The following SH3GLB2 variants were observed in gnomAD, a reference collection of about 807,000 sequenced individuals.
The protein encoded by SH3GLB2 is endophilin-B2.
In SH3GLB2, 24 loss-of-function variants were observed where a neutral mutation model predicts 48.0. The observed-to-expected ratio is 0.50, with a 90% CI of 0.36 to 0.70. The LOEUF (loss-of-function observed/expected upper bound fraction) is 0.70. SH3GLB2 is among the 30% of genes least tolerant of loss of function. SH3GLB2 has a pLI of 0.00. For missense variants in SH3GLB2, 425 were observed against 516.0 expected (o/e 0.82, Z 1.71); for synonymous variants, 227 against 207.6 (o/e 1.09, Z -0.80).
Position 129,028,142 on chromosome 9 carries a change from T to A in SH3GLB2, c.13A>T (p.Met5Leu). ...CCCGCGTCCGACGCCAGCTTCTTCA[T>A]GTTGAAGTCCATGGCGTGCCCGCAC... MDFN[M>L]KKLASDAGIF... Residue 5 changes from methionine to leucine, a missense_variant, in exon 1 of 11, where the codon ATG (methionine) becomes TTG (leucine). Met to Leu is a conservative substitution (Grantham distance 15). Coordinates refer to ENST00000372564, the MANE Select transcript of SH3GLB2 (RefSeq NM_020145.4). 1 of 1,492,732 alleles carries A rather than the reference T, an allele frequency of 6.7e-7. No individual in the cohort carries two copies. Among genetic ancestry groups the A allele is most frequent in the East Asian group, 2.9e-5 (1 of 33,988 alleles). The allele number at this position is 1,492,732 out of a possible 1,614,324, so 92.5% of individuals were successfully genotyped here. A position where few individuals can be genotyped will look rare whatever the true frequency, so the allele number is the denominator to read the frequency against.
intron 3 of SH3GLB2, among the ~76,000 whole-genome samples, chr9:129,020,811 A>G (rs1250103519): frequency 3.9e-5 from 6 of 151,974 alleles, no homozygotes; most frequent in Non-Finnish European, 8.8e-5. Context: ...TGGAGCTTGC[A>G]GTGAGCCGAG....
chr9:129,014,955 C>G lies in SH3GLB2; in HGVS notation c.335-51G>C. On this transcript the variant is annotated intron_variant, in intron 3 of 10. Coordinates refer to ENST00000372564, the MANE Select transcript of SH3GLB2 (RefSeq NM_020145.4). This position sits in a 1 kb window ranked among gnomAD's most constrained non-coding sequence, Gnocchi z 4.1. ...GGAAGAAGGTCAGGCTCAGGCTACT[C>G]TGATCTACAGGAGAGGGCTCAGGAA... 6.3e-7 allele frequency: 1 copy of G among 1,591,434 alleles called. No homozygotes were observed. Among genetic ancestry groups the G allele is most frequent in the Non-Finnish European group, 8.6e-7 (1 of 1,168,698 alleles).
chr9:129,010,726 G>A (rs755888813), intron 6 of SH3GLB2, 33 bp from the exon 7 acceptor site: 2 of 1,613,504 alleles, frequency 1.2e-6, no homozygotes, highest in Non-Finnish European at 1.7e-6. Context: ...GGCCAGCAGG[G>A]GAGGGGAGAG....
rs186969024 is a variant in SH3GLB2 at position 129,018,162 on chromosome 9, A to G, written c.334+2929T>C. ...CTGATCGCAGTGGAATTAAGTTAAA[A>G]GCAACAATAGAAGAAAACCCAGAAA... On this transcript the variant is annotated intron_variant, in intron 3 of 10. Transcript: ENST00000372564. Among the ~76,000 whole-genome samples the G allele has an allele frequency of 4.7e-3, 721 of 152,368 alleles. 1 individual carries two copies. The highest frequency in any genetic ancestry group is 7.1e-3 in the Non-Finnish European group (485 of 68,036).
At position 129,007,825 on chromosome 9, in the gene SH3GLB2, C is replaced by T. The variant is rs576120473; in HGVS notation, c.*859G>A. The T allele has an allele frequency of 2.0e-5, 3 of 152,340 alleles. No individual in the cohort carries two copies. The South Asian group carries it at 6.2e-4, about 32-fold the overall frequency. The allele number at this position is 152,340 out of a possible 1,614,324, so 9.4% of individuals were successfully genotyped here. Reference sequence around the variant, plus strand: ...ACTTTTTCTTAGGAATAAAACGTTCCTTGTGCGGCTTCATGTCCAGGAACA... The same window carrying T: ...ACTTTTTCTTAGGAATAAAACGTTCTTTGTGCGGCTTCATGTCCAGGAACA... On this transcript the variant is annotated 3_prime_UTR_variant, in exon 11 of 11. Transcript: ENST00000372564.
At position 129,028,211 on chromosome 9, in the gene SH3GLB2, A is replaced by AGCC. The variant is rs1369885339; in HGVS notation, c.-60_-58dup. 3 of 1,140,174 alleles carry AGCC rather than the reference A, an allele frequency of 2.6e-6. No individual in the cohort carries two copies. The highest frequency in any genetic ancestry group is 1.7e-5 in the African/African-American group (1 of 60,418). The allele number at this position is 1,140,174 out of a possible 1,614,324, so 70.6% of individuals were successfully genotyped here. A position where few individuals can be genotyped will look rare whatever the true frequency, so the allele number is the denominator to read the frequency against. On this transcript the variant is annotated 5_prime_UTR_variant, in exon 1 of 11. Transcript: ENST00000372564. ...GAGCGCAGCCGGCAGCCCCCGGCCCAGCCGCCGCCGCCAACCGCACCCCGC... is the reference window on the plus strand; with the variant it reads ...GAGCGCAGCCGGCAGCCCCCGGCCCAGCCGCCGCCGCCGCCAACCGCACCCCGC...
At chr9:129,025,827 C>T (rs770685606) in intron 1 of SH3GLB2, among the ~76,000 whole-genome samples, 20 of 143,328 alleles carry the variant, frequency 1.4e-4, no homozygotes, top group Non-Finnish European at 2.4e-4. Flanking sequence ...ACCAGGCTTT[C>T]CCAAACTAGA....
At chr9:129,024,611 T>C (rs1316190968) in intron 1 of SH3GLB2, among the ~76,000 whole-genome samples, 1 of 150,116 alleles carries the variant, frequency 6.7e-6, no homozygotes, top group Non-Finnish European at 1.5e-5. Flanking sequence ...TAGTCCCAGC[T>C]ACTCAAGGGG....
At position 129,014,851 on chromosome 9, in the gene SH3GLB2, T is replaced by A; in HGVS notation, c.388A>T (p.Arg130Trp). 1 of 1,613,972 alleles carries A rather than the reference T, an allele frequency of 6.2e-7. No homozygotes were observed. Among genetic ancestry groups the A allele is most frequent in the Non-Finnish European group, 8.5e-7 (1 of 1,180,004 alleles). ...ATGGAGGCCGTGTGGATAAAATCCC[T>A]CTCCGCGGCTCCCAGTTGCTTTTCA... Reference protein sequence around the residue: ...EAEKQLGAAERDFIHTASISF... With the variant: ...EAEKQLGAAEWDFIHTASISF... The change falls in exon 4 of 11, where the codon AGG (arginine) becomes TGG (tryptophan). Residue 130 changes from arginine (R) to tryptophan (W), a missense_variant. Physicochemically the swap from Arg to Trp is moderately radical, Grantham distance 101. Coordinates refer to ENST00000372564, the MANE Select transcript of SH3GLB2 (RefSeq NM_020145.4). The surrounding 1 kb of genome is among the most constrained non-coding windows in gnomAD (Gnocchi z 4.1).
chr9:129,026,820 G>C (rs569301931), intron 1 of SH3GLB2, among the ~76,000 whole-genome samples: 1 of 152,342 alleles, frequency 6.6e-6, no homozygotes, highest in African/African-American at 2.4e-5. Flanking sequence ...GAGGGGCTCT[G>C]GGATCCTGGC....
intron 3 of SH3GLB2, among the ~76,000 whole-genome samples, chr9:129,020,183 A>ACAACAGAG (rs1167831576): frequency 7.4e-6 from 1 of 134,810 alleles, no homozygotes; most frequent in Non-Finnish European, 1.6e-5. Context: ...TCCAGCCCGG[A>ACAACAGAG]CAACAGAGCA....
chr9:129,012,062 T>C (rs1465134775), intron 6 of SH3GLB2, 174 bp downstream of exon 6: 4 of 411,138 alleles, frequency 9.7e-6, no homozygotes, highest in Non-Finnish European at 1.7e-5. Context: ...GGCCAGGCCG[T>C]GGACAGAGGT....
At position 129,009,189 on chromosome 9, in the gene SH3GLB2, G is replaced by A; in HGVS notation, c.997C>T (p.Pro333Ser). ...CGAGCTTTGCGGGTCCCACTGGCAG[G>A]GGGGGCCACCTCTTCCAGGCAGAGC... ...ASLCLEEVAP[P>S]ASGTRKARVL... Residue 333 changes from proline (P) to serine (S), a missense_variant, in exon 10 of 11, where the codon CCT (proline) becomes TCT (serine). Transcript: ENST00000372564. 6.2e-7 allele frequency: 1 copy of A among 1,611,284 alleles called. No individual in the cohort carries two copies. Among genetic ancestry groups the A allele is most frequent in the Non-Finnish European group, 8.5e-7 (1 of 1,179,326 alleles).
At chr9:129,009,591 T>TGCC in intron 9 of SH3GLB2, 180 bp downstream of exon 9, 1 of 1,509,070 alleles carries the variant, frequency 6.6e-7, no homozygotes. Flanking sequence ...GACTTGGCCG[T>TGCC]CAGTAAGGCC....
chr9:129,013,175 C>T (rs1355829570), intron 5 of SH3GLB2: 1 of 745,880 alleles, frequency 1.3e-6, no homozygotes, highest in Non-Finnish European at 2.3e-6. Flanking sequence ...CCTGAAGAGT[C>T]CTAACGTGTG....
chr9:129,010,898 T>C, intron 6 of SH3GLB2: 1 of 609,574 alleles, frequency 1.6e-6, no homozygotes, highest in Non-Finnish European at 2.9e-6. Flanking sequence ...ACATGCCTCA[T>C]GCAGGAGGGG....
rs1011224845 is a variant in SH3GLB2 at position 129,014,189 on chromosome 9, G to A, written c.561+222C>T. ...ACCCAGCTGGGGGCACTGCTGGTCC[G>A]CCCACACCGTAGATATCTCCCTGGG... On this transcript the variant is annotated intron_variant, in intron 5 of 10. Transcript: ENST00000372564. This position sits in a 1 kb window ranked among gnomAD's most constrained non-coding sequence, Gnocchi z 4.1. Among the ~76,000 whole-genome samples the A allele has an allele frequency of 3.3e-5, 5 of 152,110 alleles. No homozygotes were observed. The highest frequency in any genetic ancestry group is 6.5e-5 in the Admixed American group (1 of 15,280).
Position 129,009,125 on chromosome 9 carries a change from A to AGC in SH3GLB2, c.1059_1060dup (p.Leu354ArgfsTer91). On this transcript the variant is annotated frameshift_variant, in exon 10 of 11. Transcript: ENST00000372564. LOFTEE classifies it high-confidence loss of function. Reference sequence around the variant, plus strand: ...GCCCACCTCATCAGCCAGCAGGGCCAGCTCACTGCTGTCGGCTGCCTCGTA... The same window carrying AGC: ...GCCCACCTCATCAGCCAGCAGGGCCAGCGCTCACTGCTGTCGGCTGCCTCGTA... The AGC allele has an allele frequency of 1.2e-6, 2 of 1,609,838 alleles. No homozygotes were observed. Among genetic ancestry groups the AGC allele is most frequent in the Non-Finnish European group, 1.7e-6 (2 of 1,179,742 alleles).
At position 129,014,081 on chromosome 9, in the gene SH3GLB2, G is replaced by A. The variant is rs17485716; in HGVS notation, c.561+330C>T. The A allele has an allele frequency of 6.2e-3, 3,550 of 569,548 alleles. 94 individuals carry two copies. Among genetic ancestry groups the A allele is most frequent in the African/African-American group, 0.059 (3,225 of 54,298 alleles). The allele number at this position is 569,548 out of a possible 1,614,324, so 35.3% of individuals were successfully genotyped here. ...GAGTTAGTAAGAAGGTGCCATGCCC[G>A]GGCAGAGCCGGGGACAGAGCCGAGC... On this transcript the variant is annotated intron_variant, in intron 5 of 10. Transcript: ENST00000372564. This position sits in a 1 kb window ranked among gnomAD's most constrained non-coding sequence, Gnocchi z 4.1.
Sources: allele counts gnomAD v4.1 joint callset (sites outside exome capture counted in the v4.1 genomes callset), GRCh38; gene constraint gnomAD v4.1.1; non-coding constraint Gnocchi (gnomAD v3.1); transcripts MANE v1.5; gene names NCBI Gene and HGNC (gene_info 2026-07-23, HGNC 2026-07-21).